The following LMBR1 variants were observed in gnomAD, a reference collection of about 807,000 sequenced individuals.
LMBR1 encodes limb region 1 protein homolog.
In LMBR1, 52 loss-of-function variants were observed where a neutral mutation model predicts 73.9. The observed-to-expected ratio is 0.70, with a 90% confidence interval of 0.56 to 0.89. The LOEUF (loss-of-function observed/expected upper bound fraction) is 0.89, where lower values mean the gene tolerates loss of function less well. Among genes scored for constraint, LMBR1 ranks in the 40% least tolerant of loss-of-function variants. The pLI is 0.00. For missense variants in LMBR1, 539 were observed against 579.8 expected (o/e 0.93, Z 0.72); for synonymous variants, 215 against 209.4 (o/e 1.03, Z -0.23).
intron 15 of LMBR1, among the ~76,000 whole-genome samples, chr7:156,707,356 G>A (rs909290659): frequency 6.6e-6 from 1 of 152,154 alleles, no homozygotes; most frequent in African/African-American, 2.4e-5. Context: ...CAAAAACTGA[G>A]GCGGAGGGAA....
At chr7:156,772,855 AGGAGG>A (rs879602521) in intron 5 of LMBR1, among the ~76,000 whole-genome samples, 4 of 138,470 alleles carry the variant, frequency 2.9e-5, no homozygotes, top group Non-Finnish European at 6.2e-5. Flanking sequence ...AAGAGAGGAG[AGGAGG>A]GGAGGGGAGG....
At chr7:156,780,004 T>C (rs548295997) in intron 5 of LMBR1, among the ~76,000 whole-genome samples, 3 of 152,258 alleles carry the variant, frequency 2.0e-5, no homozygotes, top group South Asian at 4.1e-4. Flanking sequence ...TTTTAAGCCA[T>C]GAAAAAACTA....
chr7:156,700,815 T>C (rs971059401), intron 15 of LMBR1, among the ~76,000 whole-genome samples: 17 of 152,188 alleles, frequency 1.1e-4, no homozygotes, highest in Non-Finnish European at 2.4e-4. Flanking sequence ...CCCATTCTAC[T>C]GTTACCAATT....
intron 9 of LMBR1, among the ~76,000 whole-genome samples, chr7:156,739,541 G>T (rs1247022897): frequency 6.6e-6 from 1 of 152,184 alleles, no homozygotes; most frequent in Non-Finnish European, 1.5e-5. Context: ...TCCCAGTGTT[G>T]GTGGCCACAG....
chr7:156,886,927 T>C (rs11764953), intron 1 of LMBR1, among the ~76,000 whole-genome samples: 40,252 of 152,076 alleles, frequency 0.26, 5,639 homozygotes, highest in East Asian at 0.42. Context: ...GCGTGTCAGA[T>C]GTCCCATCCC....
chr7:156,877,426 C>G (rs189504741), intron 1 of LMBR1, among the ~76,000 whole-genome samples: 1 of 152,120 alleles, frequency 6.6e-6, no homozygotes, highest in Non-Finnish European at 1.5e-5. Flanking sequence ...AATACCAAAC[C>G]AGGAAAGGAC....
At chr7:156,805,707 T>C (rs868519193) in intron 4 of LMBR1, among the ~76,000 whole-genome samples, 2 of 152,238 alleles carry the variant, frequency 1.3e-5, no homozygotes, top group African/African-American at 4.8e-5. Flanking sequence ...TGAATCTCTA[T>C]CAATTTGAAG....
intron 1 of LMBR1, among the ~76,000 whole-genome samples, chr7:156,843,057 C>T (rs925085955): frequency 3.3e-5 from 5 of 152,208 alleles, no homozygotes; most frequent in Non-Finnish European, 4.4e-5. Flanking sequence ...AATTACACTT[C>T]ATGATTTTTG....
intron 15 of LMBR1, 71 bp downstream of exon 15, chr7:156,724,040 GT>G: frequency 9.4e-7 from 1 of 1,064,160 alleles, no homozygotes; most frequent in South Asian, 1.4e-5. Flanking sequence ...ATGAGTAAAT[GT>G]TAAATAAGTT....
At chr7:156,694,744 T>TA (rs138179054) in intron 15 of LMBR1, among the ~76,000 whole-genome samples, 2,434 of 152,128 alleles carry the variant, frequency 0.016, 64 homozygotes, top group African/African-American at 0.054. Flanking sequence ...AAAATCAACA[T>TA]AAAAAACCAG....
intron 14 of LMBR1, 105 bp downstream of exon 14, chr7:156,725,330 C>A: frequency 1.5e-6 from 1 of 676,852 alleles, no homozygotes; most frequent in South Asian, 2.3e-5. Flanking sequence ...AACTTACAAA[C>A]AAATACCTAT....
chr7:156,763,250 T>C (rs1411370802), intron 6 of LMBR1, 74 bp from the exon 7 acceptor site: 19 of 643,206 alleles, frequency 3.0e-5, no homozygotes, highest in Non-Finnish European at 5.0e-5. Flanking sequence ...TATCTTACGA[T>C]AAGATAGAGG....
At chr7:156,710,757 A>G (rs919884013) in intron 15 of LMBR1, among the ~76,000 whole-genome samples, 1 of 152,244 alleles carries the variant, frequency 6.6e-6, no homozygotes, top group Non-Finnish European at 1.5e-5. Context: ...AAGAATCTTA[A>G]AAGGTATGAA....
chr7:156,810,115 G>A (rs1326415267), intron 4 of LMBR1, among the ~76,000 whole-genome samples: 3 of 152,106 alleles, frequency 2.0e-5, no homozygotes, highest in Non-Finnish European at 4.4e-5. Flanking sequence ...TCTACAGGCT[G>A]TACAAGAAGC....
At chr7:156,711,820 C>A (rs555595267) in intron 15 of LMBR1, among the ~76,000 whole-genome samples, 17 of 151,962 alleles carry the variant, frequency 1.1e-4, no homozygotes, top group Non-Finnish European at 2.2e-4. Flanking sequence ...GAAACTGGAC[C>A]CCTATCTCTC....
At chr7:156,699,899 A>G (rs866812715) in intron 15 of LMBR1, among the ~76,000 whole-genome samples, 62 of 152,328 alleles carry the variant, frequency 4.1e-4, no homozygotes, top group African/African-American at 1.4e-3. Context: ...AAGTCAGGAA[A>G]CAACAGGTGC....
At chr7:156,850,934 G>A (rs1038498679) in intron 1 of LMBR1, among the ~76,000 whole-genome samples, 4 of 152,160 alleles carry the variant, frequency 2.6e-5, no homozygotes, top group African/African-American at 7.2e-5. Flanking sequence ...TTGGTGATGA[G>A]TAAGTTCTAT....
At chr7:156,792,120 A>C (rs1829324005) in intron 5 of LMBR1, among the ~76,000 whole-genome samples, 1 of 152,178 alleles carries the variant, frequency 6.6e-6, no homozygotes, top group Non-Finnish European at 1.5e-5. Context: ...AAATCAGAAA[A>C]CATCTCTGAT....
At chr7:156,784,237 T>C (rs1381634346) in intron 5 of LMBR1, among the ~76,000 whole-genome samples, 1 of 152,210 alleles carries the variant, frequency 6.6e-6, no homozygotes, top group African/African-American at 2.4e-5. Context: ...TCTCACGGTG[T>C]TGGCTTTTCT....
Sources: gnomAD v4.1 joint callset for allele counts (sites outside exome capture counted in the v4.1 genomes callset) on GRCh38, gnomAD v4.1.1 for gene constraint, MANE v1.5 for transcripts, NCBI Gene and HGNC (gene_info 2026-07-23, HGNC 2026-07-21) for gene names.